SHLD2: variants seen among roughly 807,000 people sequenced by gnomAD.
SHLD2 encodes shieldin complex subunit 2.
In SHLD2, 30 loss-of-function variants were observed where a neutral mutation model predicts 73.2. That is an observed-to-expected ratio of 0.41 (90% CI 0.31 to 0.56). The LOEUF (loss-of-function observed/expected upper bound fraction) is 0.56, where lower values mean the gene tolerates loss of function less well. Among genes scored for constraint, SHLD2 ranks in the 20% least tolerant of loss-of-function variants. The pLI is 0.28. For missense variants in SHLD2, 745 were observed against 1,055.9 expected, an observed-to-expected ratio of 0.71 and a Z score of 4.08; for synonymous variants, 285 against 370.1, an observed-to-expected ratio of 0.77 and a Z score of 2.64.
At chr10:87,097,972 G>C (rs1564572830) in intron 2 of SHLD2, among the ~76,000 whole-genome samples, 2 of 151,870 alleles carry the variant, frequency 1.3e-5, no homozygotes, top group Non-Finnish European at 2.9e-5. Flanking sequence ...GTGTTGGCCA[G>C]GCTGTTCTCA....
intron 8 of SHLD2, among the ~76,000 whole-genome samples, chr10:87,184,530 C>T (rs1006925172): frequency 1.3e-5 from 2 of 152,116 alleles, no homozygotes. Flanking sequence ...CCAGCAGTCT[C>T]TTGGTGGGGC....
rs538549929 is a variant in SHLD2, at chr10:87,168,538, A to C, written c.1634-1940A>C. On this transcript the variant is annotated intron_variant, in intron 4 of 9. Transcript: ENST00000298786. ...CACCTGAGCCCAGGAGGTGGAGTTTACAGTGAGCTGAGATTGTGCCACTGC... is the reference window on the plus strand; with the variant it reads ...CACCTGAGCCCAGGAGGTGGAGTTTCCAGTGAGCTGAGATTGTGCCACTGC... Among the ~76,000 whole-genome samples, 862 of 150,276 alleles carry C rather than the reference A, an allele frequency of 5.7e-3. 6 individuals carry two copies. Among genetic ancestry groups the C allele is most frequent in the African/African-American group, 0.019 (765 of 40,778 alleles).
chr10:87,104,152 G>A (rs1038614118), intron 2 of SHLD2, among the ~76,000 whole-genome samples: 4 of 151,402 alleles, frequency 2.6e-5, no homozygotes, highest in Admixed American at 2.6e-4. Flanking sequence ...CAGGAGACTC[G>A]CTTGAACCCG....
chr10:87,110,141 T>C (rs1351181547), intron 2 of SHLD2, among the ~76,000 whole-genome samples: 1 of 151,480 alleles, frequency 6.6e-6, no homozygotes. Context: ...ATACAAAAAT[T>C]AGCTGAGCAT....
intron 2 of SHLD2, among the ~76,000 whole-genome samples, chr10:87,147,864 C>G (rs1452551191): frequency 2.0e-5 from 3 of 151,748 alleles, no homozygotes; most frequent in Non-Finnish European, 4.4e-5. Context: ...GTAGTAGCTC[C>G]TATCACTTTT....
chr10:87,117,379 A>G (rs551794924), intron 2 of SHLD2, among the ~76,000 whole-genome samples: 2 of 152,332 alleles, frequency 1.3e-5, no homozygotes, highest in Admixed American at 6.5e-5. Context: ...AGATTGCACC[A>G]TTGCACTCCA....
chr10:87,159,918 A>G (rs554585726), intron 4 of SHLD2, among the ~76,000 whole-genome samples: 137 of 152,332 alleles, frequency 9.0e-4, no homozygotes, highest in African/African-American at 3.2e-3. Flanking sequence ...CAGGACTCAG[A>G]AGACAGGTTT....
chr10:87,114,438 G>A (rs1010217773), intron 2 of SHLD2: 1 of 152,098 alleles, frequency 6.6e-6, no homozygotes, highest in African/African-American at 2.4e-5. Flanking sequence ...TAGAAAGTCA[G>A]TCAAGCCCGT....
At chr10:87,100,162 A>G (rs2133927595) in intron 2 of SHLD2, among the ~76,000 whole-genome samples, 1 of 152,338 alleles carries the variant, frequency 6.6e-6, no homozygotes, top group East Asian at 1.9e-4. Flanking sequence ...TTGGTATCAT[A>G]TGTAAGAAAT....
At chr10:87,170,764 G>A (rs1847543207) in intron 5 of SHLD2, 76 bp from the exon 6 acceptor site, 8 of 1,598,502 alleles carry the variant, frequency 5.0e-6, no homozygotes, top group African/African-American at 4.0e-5. Context: ...CACTATATAT[G>A]TATCATCAGC....
intron 2 of SHLD2, among the ~76,000 whole-genome samples, chr10:87,149,403 A>G (rs1016724361): frequency 1.3e-5 from 2 of 151,988 alleles, no homozygotes; most frequent in Admixed American, 6.6e-5. Flanking sequence ...TTATAGCAAT[A>G]GTAGTGATTC....
chr10:87,180,991 T>G (rs1009883545), intron 8 of SHLD2, among the ~76,000 whole-genome samples: 3 of 152,186 alleles, frequency 2.0e-5, no homozygotes, highest in African/African-American at 7.2e-5. Flanking sequence ...TTTGTAAACC[T>G]TATTTCTCTT....
intron 9 of SHLD2, among the ~76,000 whole-genome samples, chr10:87,188,132 G>T (rs1323167303): frequency 6.6e-6 from 1 of 152,140 alleles, no homozygotes; most frequent in Admixed American, 6.6e-5. Context: ...CGGGAGCAGG[G>T]TTGTTCCTCT....
intron 8 of SHLD2, among the ~76,000 whole-genome samples, chr10:87,183,459 C>T (rs2134726135): frequency 6.6e-6 from 1 of 152,248 alleles, no homozygotes; most frequent in South Asian, 2.1e-4. Flanking sequence ...CAGTGATTAC[C>T]TCTCATAATG....
chr10:87,112,275 G>T (rs6586057), intron 2 of SHLD2, among the ~76,000 whole-genome samples: 102,727 of 149,230 alleles, frequency 0.69, 35,932 homozygotes, highest in East Asian at 0.84. Context: ...GAAGAGATAT[G>T]TCTCCAAAGA....
At chr10:87,122,756 TTTTA>T (rs1336011963) in intron 2 of SHLD2, among the ~76,000 whole-genome samples, 2 of 152,136 alleles carry the variant, frequency 1.3e-5, no homozygotes, top group African/African-American at 2.4e-5. Context: ...AATAAGGTGT[TTTTA>T]TTTATTTATT....
chr10:87,094,753 C>G (rs1841683677), upstream of SHLD2: 1 of 1,536,948 alleles, frequency 6.5e-7, no homozygotes, highest in Non-Finnish European at 8.8e-7. This position sits in a 1 kb window ranked among gnomAD's most constrained non-coding sequence, Gnocchi z 6.6. Context: ...CAGCGCTTCG[C>G]CCAGGTAGCG....
intron 4 of SHLD2, among the ~76,000 whole-genome samples, chr10:87,160,491 C>G (rs1846726207): frequency 6.6e-6 from 1 of 151,944 alleles, no homozygotes. Flanking sequence ...AATTTTTTTT[C>G]TTAAATAAAT....
At chr10:87,167,944 C>A (rs1589626395) in intron 4 of SHLD2, among the ~76,000 whole-genome samples, 1 of 152,150 alleles carries the variant, frequency 6.6e-6, no homozygotes, top group East Asian at 1.9e-4. Flanking sequence ...CACTCCCAGC[C>A]CCAGAACAAC....
Sources: allele counts gnomAD v4.1 joint callset (sites outside exome capture counted in the v4.1 genomes callset), GRCh38; gene constraint gnomAD v4.1.1; non-coding constraint Gnocchi (gnomAD v3.1); transcripts MANE v1.5; gene names NCBI Gene and HGNC (gene_info 2026-07-23, HGNC 2026-07-21).